The following CTTNBP2NL variants were observed in gnomAD, a reference collection of about 807,000 sequenced individuals.
The protein encoded by CTTNBP2NL is CTTNBP2 N-terminal like.
CTTNBP2NL carries 16 observed loss-of-function variants against 32.5 expected under a neutral mutation model. The observed-to-expected ratio is 0.49, with a 90% CI of 0.33 to 0.75. The LOEUF (loss-of-function observed/expected upper bound fraction) is 0.75, where lower values mean the gene tolerates loss of function less well. Ranked by LOEUF, CTTNBP2NL falls within the 30% of genes least tolerant of loss-of-function variation. CTTNBP2NL has a pLI of 0.02. For synonymous variants in CTTNBP2NL, 298 were observed against 289.4 expected (o/e 1.03, Z -0.30); for missense variants, 645 against 756.0 (o/e 0.85, Z 1.72).
intron 3 of CTTNBP2NL, among the ~76,000 whole-genome samples, chr1:112,429,127 C>G (rs1053885027): frequency 6.6e-6 from 1 of 152,018 alleles, no homozygotes; most frequent in Non-Finnish European, 1.5e-5. Flanking sequence ...TTCTCTGTAC[C>G]CTTGTGAAGT....
At chr1:112,426,832 C>T (rs1049040028) in intron 3 of CTTNBP2NL, among the ~76,000 whole-genome samples, 1 of 152,120 alleles carries the variant, frequency 6.6e-6, no homozygotes, top group Non-Finnish European at 1.5e-5. Context: ...TCTCAAACTC[C>T]TGACCTCAAG....
At chr1:112,451,469 T>G (rs1387777018) in intron 4 of CTTNBP2NL, among the ~76,000 whole-genome samples, 2 of 150,324 alleles carry the variant, frequency 1.3e-5, no homozygotes, top group Non-Finnish European at 3.0e-5. Context: ...GACAAATAAT[T>G]CTGAAAATAC....
chr1:112,425,955 CCG>C (rs1649379903), intron 3 of CTTNBP2NL, among the ~76,000 whole-genome samples: 3 of 108,984 alleles, frequency 2.8e-5, no homozygotes, highest in East Asian at 2.8e-4. Flanking sequence ...AATCTGGATG[CCG>C]TGTGTGTGTG....
At chr1:112,442,531 C>T (rs1003205982) in intron 3 of CTTNBP2NL, among the ~76,000 whole-genome samples, 1 of 151,788 alleles carries the variant, frequency 6.6e-6, no homozygotes, top group African/African-American at 2.4e-5. Flanking sequence ...GGACTCAGTC[C>T]AGAATGTACA....
At chr1:112,391,982 C>A (rs1648194922), upstream of CTTNBP2NL, among the ~76,000 whole-genome samples, 1 of 133,788 alleles carries the variant, frequency 7.5e-6, no homozygotes, top group Non-Finnish European at 1.5e-5. Flanking sequence ...CAGAGTGAGA[C>A]CCTGTCTCAA....
upstream of CTTNBP2NL, among the ~76,000 whole-genome samples, chr1:112,393,576 T>C (rs1648235275): frequency 6.6e-6 from 1 of 152,232 alleles, no homozygotes; most frequent in Non-Finnish European, 1.5e-5. Context: ...GGTTTATGTA[T>C]TGAAGAATCA....
At position 112,457,602 on chromosome 1, in the gene CTTNBP2NL, A is replaced by G; in HGVS notation, c.*190A>G. 1.8e-6 allele frequency: 1 copy of G among 546,400 alleles called. No individual in the cohort carries two copies. Among genetic ancestry groups the G allele is most frequent in the South Asian group, 3.1e-5 (1 of 32,092 alleles). The allele number at this position is 546,400 out of a possible 1,614,324, so 33.8% of individuals were successfully genotyped here. A position where few individuals can be genotyped will look rare whatever the true frequency, so the allele number is the denominator to read the frequency against. On this transcript the variant is annotated 3_prime_UTR_variant, in exon 6 of 6. Coordinates refer to ENST00000271277, the MANE Select transcript of CTTNBP2NL (RefSeq NM_018704.3). ...AGTAGTTTGGATTTTTATGGCTCAC[A>G]TCTTTTTACTGAAGCCAGAAAGGCA...
chr1:112,398,333 C>T (rs1375545566), intron 1 of CTTNBP2NL, among the ~76,000 whole-genome samples: 1 of 152,132 alleles, frequency 6.6e-6, no homozygotes, highest in Non-Finnish European at 1.5e-5. Flanking sequence ...TGAAGAAAAG[C>T]ATAGTATGCA....
At position 112,454,534 on chromosome 1, in the gene CTTNBP2NL, A is replaced by C; in HGVS notation, c.416A>C (p.Glu139Ala). The C allele has an allele frequency of 6.2e-7, 1 of 1,613,022 alleles. No homozygotes were observed. The highest frequency in any genetic ancestry group is 2.2e-5 in the East Asian group (1 of 44,872). The change falls in exon 5 of 6, where the codon GAA (glutamate) becomes GCA (alanine). Residue 139 changes from glutamate (E) to alanine (A), a missense_variant. Coordinates refer to ENST00000271277, the MANE Select transcript of CTTNBP2NL (RefSeq NM_018704.3). ...GDDVTYMLEK[E>A]RERLTQQLEF... ...GATGTCACCTACATGCTAGAGAAGG[A>C]AAGAGAGAGGCTGACTCAACAGGTA...
At chr1:112,455,721 G>A (rs1258709149) in intron 5 of CTTNBP2NL, among the ~76,000 whole-genome samples, 1 of 152,228 alleles carries the variant, frequency 6.6e-6, no homozygotes, top group African/African-American at 2.4e-5. Flanking sequence ...CTGCAAGACA[G>A]TATGGGAACT....
At chr1:112,395,225 G>C (rs759392784), upstream of CTTNBP2NL, among the ~76,000 whole-genome samples, 5 of 152,138 alleles carry the variant, frequency 3.3e-5, no homozygotes, top group Non-Finnish European at 5.9e-5. Flanking sequence ...TTATTATATT[G>C]TATTTTAAAT....
At chr1:112,446,197 G>A (rs1424298340) in intron 3 of CTTNBP2NL, among the ~76,000 whole-genome samples, 4 of 144,580 alleles carry the variant, frequency 2.8e-5, no homozygotes, top group African/African-American at 2.6e-5. Flanking sequence ...TAAAAAAGTG[G>A]AAAAAAAAAA....
intron 1 of CTTNBP2NL, among the ~76,000 whole-genome samples, chr1:112,410,724 G>A (rs945915443): frequency 1.3e-5 from 2 of 152,118 alleles, no homozygotes; most frequent in East Asian, 1.9e-4. Flanking sequence ...CTTGCTCTTC[G>A]GAGTTACTGA....
At chr1:112,403,797 T>A (rs1043837950) in intron 1 of CTTNBP2NL, among the ~76,000 whole-genome samples, 1 of 152,226 alleles carries the variant, frequency 6.6e-6, no homozygotes, top group African/African-American at 2.4e-5. Context: ...TGAACATGTC[T>A]CTAAACTGAC....
At chr1:112,423,553 A>G (rs1192953877) in intron 3 of CTTNBP2NL, among the ~76,000 whole-genome samples, 1 of 152,208 alleles carries the variant, frequency 6.6e-6, no homozygotes, top group Non-Finnish European at 1.5e-5. Flanking sequence ...CAGGAAAAAA[A>G]AATGCATCTT....
intron 3 of CTTNBP2NL, among the ~76,000 whole-genome samples, chr1:112,426,410 TGCTGGGC>T (rs1212707225): frequency 6.6e-6 from 1 of 152,034 alleles, no homozygotes; most frequent in African/African-American, 2.4e-5. Flanking sequence ...AATTTTGCTG[TGCTGGGC>T]ACAGTGGCTC....
intron 4 of CTTNBP2NL, among the ~76,000 whole-genome samples, chr1:112,452,362 T>C (rs868586594): frequency 2.3e-5 from 3 of 127,778 alleles, no homozygotes; most frequent in Admixed American, 8.2e-5. Flanking sequence ...TTTTTTTTTT[T>C]AGACAGAGTT....
chr1:112,419,160 T>C (rs1649151512), intron 3 of CTTNBP2NL, among the ~76,000 whole-genome samples: 1 of 152,168 alleles, frequency 6.6e-6, no homozygotes, highest in Non-Finnish European at 1.5e-5. Flanking sequence ...AACTTTGTTG[T>C]GTTTGGCCAA....
Position 112,457,200 on chromosome 1 carries a change from A to G in CTTNBP2NL, c.1708A>G (p.Thr570Ala), listed in dbSNP as rs145280392. ...SPLSPGIKSPTIPRAERGNPP... is the reference protein window; with the variant it reads ...SPLSPGIKSPAIPRAERGNPP... ...CCTGTCTCCAGGAATCAAGTCCCCAACCATCCCCAGAGCTGAGAGAGGAAA... is the reference window on the plus strand; with the variant it reads ...CCTGTCTCCAGGAATCAAGTCCCCAGCCATCCCCAGAGCTGAGAGAGGAAA... Residue 570 changes from threonine (T) to alanine (A), a missense_variant, in exon 6 of 6, where the codon ACC (threonine) becomes GCC (alanine). Physicochemically the swap from Thr to Ala is moderately conservative, Grantham distance 58. Coordinates refer to ENST00000271277, the MANE Select transcript of CTTNBP2NL (RefSeq NM_018704.3). The G allele has an allele frequency of 4.0e-5, 64 of 1,614,054 alleles. No homozygotes were observed. The highest frequency in any genetic ancestry group is 4.9e-5 in the Non-Finnish European group (58 of 1,179,984).
Sources: allele counts gnomAD v4.1 joint callset (sites outside exome capture counted in the v4.1 genomes callset), GRCh38; gene constraint gnomAD v4.1.1; transcripts MANE v1.5; gene names NCBI Gene and HGNC (gene_info 2026-07-23, HGNC 2026-07-21).